The following RGS3 variants were observed in gnomAD, a reference collection of about 807,000 sequenced individuals.
RGS3 encodes the protein regulator of G protein signaling 3.
A neutral mutation model predicts 132.6 loss-of-function variants in RGS3; 80 were observed. The ratio of observed to expected loss-of-function variants is 0.60; its 90% CI spans 0.50 to 0.73. The LOEUF is 0.73. Among genes scored for constraint, RGS3 ranks in the 30% least tolerant of loss-of-function variants. RGS3 has a pLI of 0.00. For missense variants in RGS3, 1,382 were observed against 1,530.8 expected, an observed-to-expected ratio of 0.90 and a Z score of 1.62; for synonymous variants, 598 against 620.6, an observed-to-expected ratio of 0.96 and a Z score of 0.54.
At chr9:113,458,966 G>A (rs1829414735), upstream of RGS3, among the ~76,000 whole-genome samples, 1 of 152,180 alleles carries the variant, frequency 6.6e-6, no homozygotes. Context: ...GATCAGGCTG[G>A]TCTTGAACTC....
upstream of RGS3, among the ~76,000 whole-genome samples, chr9:113,458,500 T>C (rs1564442567): frequency 2.0e-5 from 3 of 152,214 alleles, no homozygotes; most frequent in Admixed American, 6.5e-5. Flanking sequence ...TATTAGTATT[T>C]TTACATTTAT....
chr9:113,504,644 C>T (rs1410798112), intron 10 of RGS3, among the ~76,000 whole-genome samples: 2 of 152,238 alleles, frequency 1.3e-5, no homozygotes, highest in Non-Finnish European at 2.9e-5. Context: ...AGGCTGCATG[C>T]CTCTGTATGT....
At position 113,523,816 on chromosome 9, in the gene RGS3, A is replaced by G. The variant is rs561524520; in HGVS notation, c.1870+775A>G. On this transcript the variant is annotated intron_variant, in intron 17 of 24. Coordinates refer to ENST00000350696, the Ensembl canonical transcript of RGS3. ...GCAGAGAGGAAAATATTACCCAGTG[A>G]AAGAATTCTGTTTTGGTGGGGTTTG... 2.0e-5 allele frequency among the ~76,000 whole-genome samples: 3 copies of G among 152,286 alleles called. No homozygotes were observed. In the South Asian group the frequency reaches 6.2e-4, roughly 32 times the overall value.
intron 19 of RGS3, among the ~76,000 whole-genome samples, chr9:113,539,540 C>A (rs1467968580): frequency 6.6e-6 from 1 of 152,170 alleles, no homozygotes; most frequent in Non-Finnish European, 1.5e-5. Flanking sequence ...GAACTCCTGA[C>A]CTCAAGAGTA....
In RGS3 at chr9:113,538,907, G is replaced by A. The variant is rs1345612683; in HGVS notation, c.2037+1989G>A. Among the ~76,000 whole-genome samples the A allele has an allele frequency of 1.3e-5, 2 of 152,184 alleles. 1 individual carries two copies. The highest frequency in any genetic ancestry group is 1.3e-4 in the Admixed American group (2 of 15,284). Reference sequence around the variant, plus strand: ...CCACTTGGGCCACCCTCCTAAGAAGGCCATGATGTAGCTGTCTTTTGTCAG... The same window carrying A: ...CCACTTGGGCCACCCTCCTAAGAAGACCATGATGTAGCTGTCTTTTGTCAG... On this transcript the variant is annotated intron_variant, in intron 19 of 24. Transcript: ENST00000350696.
chr9:113,497,443 T>C (rs1365195297), intron 9 of RGS3, 39 bp downstream of exon 7: 1 of 1,536,708 alleles, frequency 6.5e-7, no homozygotes. Context: ...TCCCAGGACC[T>C]GCCCCCTCCC....
chr9:113,545,401 A>C (rs1833065572), intron 19 of RGS3, among the ~76,000 whole-genome samples: 1 of 152,208 alleles, frequency 6.6e-6, no homozygotes, highest in African/African-American at 2.4e-5. Context: ...GGGGAATCAA[A>C]TGGATCTGAT....
intron 3 of RGS3, among the ~76,000 whole-genome samples, chr9:113,470,677 A>G (rs1829799350): frequency 6.6e-6 from 1 of 152,206 alleles, no homozygotes; most frequent in East Asian, 1.9e-4. Context: ...GAACAGGCAC[A>G]TGGCTGGGAG....
chr9:113,594,422 G>C lies in RGS3; in HGVS notation c.3081-8G>C, dbSNP rs1286471902. 8 of 1,613,188 alleles carry C rather than the reference G, an allele frequency of 5.0e-6. No homozygotes were observed. Among genetic ancestry groups the C allele is most frequent in the Non-Finnish European group, 6.8e-6 (8 of 1,179,814 alleles). The stretch of plus-strand genomic sequence containing the variant: ...CTGAGCAACCCTCTTTTCTGCTTCT[G>C]TCCCCAGAGCCAAGGACATGAAGAA... On this transcript the variant is annotated splice_polypyrimidine_tract_variant and splice_region_variant and intron_variant, in intron 21 of 24. Coordinates refer to ENST00000350696, the Ensembl canonical transcript of RGS3.
chr9:113,497,469 C>T (rs1031747898), intron 9 of RGS3, 65 bp downstream of exon 7: 90 of 1,347,548 alleles, frequency 6.7e-5, no homozygotes, highest in Admixed American at 3.6e-4. Flanking sequence ...TCCTGCATAG[C>T]GGCATCAGTA....
chr9:113,583,468 G>A, exon 20 of RGS3: 1 of 1,614,244 alleles, frequency 6.2e-7, no homozygotes, highest in Non-Finnish European at 8.5e-7. Flanking sequence ...GACGGAGGCA[G>A]ATGAGAAGAG....
chr9:113,500,474 G>A (rs1830837563), intron 10 of RGS3, among the ~76,000 whole-genome samples: 1 of 152,194 alleles, frequency 6.6e-6, no homozygotes, highest in Non-Finnish European at 1.5e-5. Context: ...GGGACTGCCA[G>A]GCAAGAAATA....
At chr9:113,473,758 G>A (rs774256235) in intron 3 of RGS3, among the ~76,000 whole-genome samples, 1 of 152,120 alleles carries the variant, frequency 6.6e-6, no homozygotes, top group Non-Finnish European at 1.5e-5. Context: ...ACCATTTCAC[G>A]GAGTTATTGT....
chr9:113,470,560 G>A (rs536298720), intron 3 of RGS3, among the ~76,000 whole-genome samples: 1 of 152,206 alleles, frequency 6.6e-6, no homozygotes, highest in African/African-American at 2.4e-5. Context: ...TATTAACATA[G>A]CTAACCATGC....
Position 113,579,766 on chromosome 9 carries a change from C to T in RGS3, c.2038-3684C>T, listed in dbSNP as rs542494954. 2.0e-4 allele frequency among the ~76,000 whole-genome samples: 31 copies of T among 152,308 alleles called. 1 individual carries two copies. In the East Asian group the frequency reaches 6.0e-3, roughly 29 times the overall value. On this transcript the variant is annotated intron_variant, in intron 19 of 24. Transcript: ENST00000350696. The surrounding 1 kb of genome is among the most constrained non-coding windows in gnomAD (Gnocchi z 4.3). ...AGATTGTGTCTGACTTGTTCCCTGC[C>T]GTCCTCCTAGTACCTACCTCAGTGC...
At chr9:113,464,522 G>A (rs1479221474) in intron 3 of RGS3, among the ~76,000 whole-genome samples, 1 of 152,204 alleles carries the variant, frequency 6.6e-6, no homozygotes, top group Non-Finnish European at 1.5e-5. Context: ...CTGCCCAAAG[G>A]TCTGGGCAAA....
At chr9:113,592,110 A>G (rs113238191) in intron 21 of RGS3, 5,705 of 152,436 alleles carry the variant, frequency 0.037, 151 homozygotes, top group South Asian at 0.097. Context: ...ATTGGGCTAT[A>G]GGGAGGAGCC....
At chr9:113,530,742 T>G (rs941127315) in intron 18 of RGS3, among the ~76,000 whole-genome samples, 2 of 152,222 alleles carry the variant, frequency 1.3e-5, no homozygotes, top group African/African-American at 4.8e-5. Flanking sequence ...ATTTGCGGCT[T>G]TTTGTTTCAG....
rs1409686091 is a variant in RGS3, at chr9:113,537,427, A to G, written c.2037+509A>G. 6.6e-6 allele frequency among the ~76,000 whole-genome samples: 1 copy of G among 152,120 alleles called. No homozygotes were observed. The highest frequency in any genetic ancestry group is 1.5e-5 in the Non-Finnish European group (1 of 68,000). ...GGTCTGGGGACTGGCTGGCAGGAGC[A>G]CCGGGGAAGATTAGAGACTCCCAGG... On this transcript the variant is annotated intron_variant, in intron 19 of 24. Transcript: ENST00000350696. The surrounding 1 kb of genome is among the most constrained non-coding windows in gnomAD (Gnocchi z 4.3).
Sources: allele counts gnomAD v4.1 joint callset (sites outside exome capture counted in the v4.1 genomes callset), GRCh38; gene constraint gnomAD v4.1.1; non-coding constraint Gnocchi (gnomAD v3.1); transcripts MANE v1.5; gene names NCBI Gene and HGNC (gene_info 2026-07-23, HGNC 2026-07-21).